Variants in MMD2 observed in about 807,000 individuals in gnomAD.
MMD2 encodes the protein monocyte to macrophage differentiation associated 2, also known as monocyte to macrophage differentiation factor 2.
Under a neutral mutation model 33.5 loss-of-function variants are expected in MMD2, and 30 were observed. The observed-to-expected ratio is 0.90, with a 90% CI of 0.67 to 1.22. The LOEUF is 1.22. MMD2 is among the 50% of genes most tolerant of loss of function. The pLI is 0.00. For synonymous variants in MMD2, 129 were observed against 123.0 expected (o/e 1.05, Z -0.32); for missense variants, 364 against 325.4 (o/e 1.12, Z -0.91).
intron 1 of MMD2, among the ~76,000 whole-genome samples, chr7:4,930,912 G>A (rs1471735929): frequency 2.6e-5 from 4 of 152,094 alleles, no homozygotes; most frequent in South Asian, 2.1e-4. Context: ...GTGCAGTGGC[G>A]CGATCTCGGC....
At chr7:4,948,423 T>C (rs1786150817) in intron 1 of MMD2, among the ~76,000 whole-genome samples, 1 of 151,876 alleles carries the variant, frequency 6.6e-6, no homozygotes, top group Admixed American at 6.6e-5. Flanking sequence ...CTCGGGAGGC[T>C]GAGGCAGGAG....
chr7:4,947,751 G>A (rs1293976786), intron 1 of MMD2, among the ~76,000 whole-genome samples: 32 of 132,750 alleles, frequency 2.4e-4, no homozygotes, highest in Admixed American at 7.6e-4. Flanking sequence ...CCAGGCTGGA[G>A]CACAGTGGTG....
chr7:4,947,230 A>T (rs1583398983), intron 1 of MMD2, among the ~76,000 whole-genome samples: 1 of 152,032 alleles, frequency 6.6e-6, no homozygotes, highest in South Asian at 2.1e-4. Flanking sequence ...AAAGAAAGAG[A>T]AAAGCGGTTT....
chr7:4,937,821 AT>A (rs1175805408), intron 1 of MMD2, among the ~76,000 whole-genome samples: 2 of 150,850 alleles, frequency 1.3e-5, no homozygotes, highest in East Asian at 3.9e-4. Flanking sequence ...ATTTTTAAAC[AT>A]TTTTTTGTAG....
chr7:4,901,984 C>T (rs1361012699), downstream of MMD2, among the ~76,000 whole-genome samples: 1 of 152,200 alleles, frequency 6.6e-6, no homozygotes, highest in Non-Finnish European at 1.5e-5. Context: ...TGGAATCTCG[C>T]TCTGTCACCC....
chr7:4,910,226 G>A (rs572541202), intron 5 of MMD2, among the ~76,000 whole-genome samples: 11 of 152,202 alleles, frequency 7.2e-5, no homozygotes, highest in Admixed American at 7.2e-4. Flanking sequence ...CAAACATTGG[G>A]CATAGCACAC....
At chr7:4,919,943 C>T (rs1223471414) in intron 3 of MMD2, among the ~76,000 whole-genome samples, 1 of 152,130 alleles carries the variant, frequency 6.6e-6, no homozygotes, top group Non-Finnish European at 1.5e-5. Context: ...ACCAGGCTCC[C>T]GTGGGCGAGG....
chr7:4,952,817 G>A (rs911044641), intron 1 of MMD2, among the ~76,000 whole-genome samples: 9 of 150,488 alleles, frequency 6.0e-5, no homozygotes, highest in East Asian at 2.0e-4. Context: ...TCAGCCTCCC[G>A]AGTAGCTGGG....
At chr7:4,958,228 TC>T (rs1786441136) in intron 1 of MMD2, among the ~76,000 whole-genome samples, 1 of 152,138 alleles carries the variant, frequency 6.6e-6, no homozygotes. Context: ...AGGGGATTTT[TC>T]ATGCCAGCTT....
At chr7:4,899,476 C>A in the MMD2 span, among the ~76,000 whole-genome samples, 2 of 152,016 alleles carry the variant, frequency 1.3e-5, no homozygotes, top group East Asian at 3.9e-4. Flanking sequence ...GCAGCCTCCG[C>A]TTCCTGGGTT....
chr7:4,900,375 T>A, the MMD2 span, among the ~76,000 whole-genome samples: 1 of 152,138 alleles, frequency 6.6e-6, no homozygotes, highest in Non-Finnish European at 1.5e-5. Context: ...TTATCTGTTA[T>A]ACTGGTAAAA....
intron 1 of MMD2, among the ~76,000 whole-genome samples, chr7:4,952,995 G>GT (rs140512396): frequency 0.071 from 10,692 of 151,646 alleles, 600 homozygotes; most frequent in East Asian, 0.22. Context: ...TTTTTTGTTT[G>GT]TTTTTTTGTT....
Position 4,939,962 on chromosome 7 carries a change from G to A in MMD2, c.48-14430C>T, listed in dbSNP as rs867289064. Among the ~76,000 whole-genome samples the A allele has an allele frequency of 5.9e-5, 9 of 152,136 alleles. No individual in the cohort carries two copies. The Middle Eastern group carries it at 0.01, about 172-fold the overall frequency. On this transcript the variant is annotated intron_variant, in intron 1 of 6. Coordinates refer to ENST00000401401, the MANE Select transcript of MMD2 (RefSeq NM_198403.4). ...TTGCCATGTTGGCCAGGCTGGTCTC[G>A]AACTCCTGACCTCAAGCAATCCATC...
intron 1 of MMD2, among the ~76,000 whole-genome samples, chr7:4,942,976 A>T (rs1159629787): frequency 7.1e-6 from 1 of 141,200 alleles, no homozygotes; most frequent in African/African-American, 2.6e-5. Context: ...AGATAGTTGG[A>T]GTACACTTCA....
intron 2 of MMD2, among the ~76,000 whole-genome samples, chr7:4,921,422 C>T (rs1192364110): frequency 6.6e-6 from 1 of 151,844 alleles, no homozygotes; most frequent in African/African-American, 2.4e-5. Context: ...AGTTCGAGAC[C>T]AGCCTGGCCA....
intron 1 of MMD2, among the ~76,000 whole-genome samples, chr7:4,932,979 GC>G (rs968489673): frequency 2.1e-5 from 3 of 146,016 alleles, no homozygotes; most frequent in African/African-American, 5.0e-5. Context: ...CAGTTTTACA[GC>G]CTTTTTTTTT....
intron 1 of MMD2, among the ~76,000 whole-genome samples, chr7:4,930,065 C>G (rs1488144676): frequency 6.8e-6 from 1 of 147,276 alleles, no homozygotes; most frequent in Non-Finnish European, 1.5e-5. Context: ...GTCAGGAGAT[C>G]TAGACCATCC....
intron 1 of MMD2, among the ~76,000 whole-genome samples, chr7:4,926,858 C>G (rs12665972): frequency 0.14 from 21,731 of 151,962 alleles, 1,833 homozygotes; most frequent in East Asian, 0.28. Flanking sequence ...CATTCTCCTG[C>G]CTCAGCCTCC....
intron 2 of MMD2, among the ~76,000 whole-genome samples, chr7:4,921,925 C>G (rs1785296514): frequency 6.6e-6 from 1 of 151,814 alleles, no homozygotes; most frequent in Non-Finnish European, 1.5e-5. Context: ...GGAATTATAA[C>G]TTTAAAAAAT....
Sources: allele counts gnomAD v4.1 joint callset (sites outside exome capture counted in the v4.1 genomes callset), GRCh38; gene constraint gnomAD v4.1.1; transcripts MANE v1.5; gene names NCBI Gene and HGNC (gene_info 2026-07-23, HGNC 2026-07-21).